The following ADAMTS3 variants were observed in gnomAD, a reference collection of about 807,000 sequenced individuals.
ADAMTS3 encodes ADAM metallopeptidase with thrombospondin type 1 motif 3.
Under a neutral mutation model 129.0 loss-of-function variants are expected in ADAMTS3, and 73 were observed. The ratio of observed to expected loss-of-function variants is 0.57; its 90% confidence interval spans 0.47 to 0.69. ADAMTS3 has a LOEUF of 0.69. ADAMTS3 is among the 30% of genes least tolerant of loss of function. The pLI is 0.00. For missense variants in ADAMTS3, 1,457 were observed against 1,514.5 expected, an observed-to-expected ratio of 0.96 and a Z score of 0.63; for synonymous variants, 477 against 510.8, an observed-to-expected ratio of 0.93 and a Z score of 0.89.
intron 16 of ADAMTS3, among the ~76,000 whole-genome samples, chr4:72,304,909 G>GA (rs2109789333): frequency 6.6e-6 from 1 of 152,042 alleles, no homozygotes; most frequent in Non-Finnish European, 1.5e-5. Flanking sequence ...ATTCTAGGAT[G>GA]AAAAATAAGG....
chr4:72,316,511 C>T (rs1051097942), intron 10 of ADAMTS3, among the ~76,000 whole-genome samples: 1 of 151,948 alleles, frequency 6.6e-6, no homozygotes, highest in Non-Finnish European at 1.5e-5. Context: ...CATAGTGAAA[C>T]CCTGTCTCTA....
intron 3 of ADAMTS3, among the ~76,000 whole-genome samples, chr4:72,478,311 G>A (rs1468226137): frequency 2.6e-5 from 4 of 151,268 alleles, no homozygotes; most frequent in African/African-American, 4.9e-5. Flanking sequence ...CTGGCAAAAC[G>A]AATCCAGCAG....
chr4:72,500,047 T>G (rs1376057482), intron 3 of ADAMTS3, among the ~76,000 whole-genome samples: 2 of 152,192 alleles, frequency 1.3e-5, no homozygotes, highest in African/African-American at 4.8e-5. Flanking sequence ...TTAGATTGAT[T>G]CCATGTCTTT....
intron 3 of ADAMTS3, among the ~76,000 whole-genome samples, chr4:72,450,991 G>GAAGAGAAGAGAAGAGAAGAA (rs1718388442): frequency 6.7e-6 from 1 of 150,312 alleles, no homozygotes; most frequent in African/African-American, 2.4e-5. Flanking sequence ...GAAGAGAAGA[G>GAAGAGAAGAGAAGAGAAGAA]AAGAGAAGAG....
chr4:72,401,784 T>C lies in ADAMTS3; in HGVS notation c.661+13031A>G, dbSNP rs149956735. ...ACTAAGAAACTAAAGCTAATTGCTT[T>C]AAGTCAATATTAGATTTAATCCAAA... On this transcript the variant is annotated intron_variant, in intron 4 of 21. Transcript: ENST00000286657. Among the ~76,000 whole-genome samples, 567 of 152,180 alleles carry C rather than the reference T, an allele frequency of 3.7e-3. 11 individuals carry two copies. Among genetic ancestry groups the C allele is most frequent in the East Asian group, 0.025 (127 of 5,174 alleles).
chr4:72,320,570 G>T, intron 7 of ADAMTS3, 144 bp downstream of exon 7: 1 of 826,372 alleles, frequency 1.2e-6, no homozygotes, highest in African/African-American at 1.7e-5. Context: ...GTCACTGTAA[G>T]CAAAAGAAAG....
chr4:72,561,030 T>C (rs1721890581), intron 2 of ADAMTS3, among the ~76,000 whole-genome samples: 1 of 152,098 alleles, frequency 6.6e-6, no homozygotes, highest in Non-Finnish European at 1.5e-5. Context: ...GGTCCTCTCC[T>C]GGATATATAG....
At chr4:72,428,651 T>C (rs1211632422) in intron 3 of ADAMTS3, among the ~76,000 whole-genome samples, 2 of 152,066 alleles carry the variant, frequency 1.3e-5, no homozygotes, top group Non-Finnish European at 2.9e-5. Flanking sequence ...CCTAGCTTGG[T>C]TGATACAGGA....
chr4:72,559,832 T>A (rs1359684197), intron 2 of ADAMTS3, among the ~76,000 whole-genome samples: 5 of 151,642 alleles, frequency 3.3e-5, no homozygotes, highest in Non-Finnish European at 7.4e-5. Context: ...CACAGAATTT[T>A]TAAAAAACTA....
At chr4:72,497,172 C>G (rs1719893436) in intron 3 of ADAMTS3, among the ~76,000 whole-genome samples, 1 of 151,984 alleles carries the variant, frequency 6.6e-6, no homozygotes, top group Non-Finnish European at 1.5e-5. Flanking sequence ...AAGGATAAAG[C>G]TGTTGGAAGT....
chr4:72,542,461 G>A (rs1433292519), intron 3 of ADAMTS3, among the ~76,000 whole-genome samples: 2 of 152,080 alleles, frequency 1.3e-5, no homozygotes, highest in Non-Finnish European at 2.9e-5. Context: ...ACTGCGCCCG[G>A]CCCCTGTTAT....
intron 4 of ADAMTS3, among the ~76,000 whole-genome samples, chr4:72,388,964 C>T (rs990946715): frequency 2.0e-5 from 3 of 152,180 alleles, no homozygotes; most frequent in Admixed American, 2.0e-4. Context: ...ACTAGGAAAT[C>T]TCATTAAAGA....
chr4:72,414,973 T>A lies in ADAMTS3; in HGVS notation c.505-2A>T. 1 of 1,491,114 alleles carries A rather than the reference T, an allele frequency of 6.7e-7. No individual in the cohort carries two copies. The allele number at this position is 1,491,114 out of a possible 1,614,324, so 92.4% of individuals were successfully genotyped here. On this transcript the variant is annotated splice_acceptor_variant, in intron 3 of 21. Coordinates refer to ENST00000286657, the MANE Select transcript of ADAMTS3 (RefSeq NM_014243.3). LOFTEE classifies it high-confidence loss of function. ...ATTATCACTTTTTATCATTCCAGCC[T>A]AGAGAAAGCACAAAATGTGTTAATT...
intron 4 of ADAMTS3, among the ~76,000 whole-genome samples, chr4:72,393,309 G>C (rs1386048772): frequency 6.6e-6 from 1 of 152,134 alleles, no homozygotes; most frequent in Non-Finnish European, 1.5e-5. Flanking sequence ...ATTGGAGTCT[G>C]CTGTGGGATA....
intron 3 of ADAMTS3, among the ~76,000 whole-genome samples, chr4:72,548,193 C>T (rs763513952): frequency 6.6e-6 from 1 of 151,602 alleles, no homozygotes; most frequent in Non-Finnish European, 1.5e-5. Context: ...TAAAATCTTC[C>T]AATGTAATAC....
At chr4:72,407,819 AT>A (rs1228963902) in intron 4 of ADAMTS3, among the ~76,000 whole-genome samples, 1 of 152,108 alleles carries the variant, frequency 6.6e-6, no homozygotes, top group East Asian at 1.9e-4. Context: ...CTTGTAAAAC[AT>A]TTTTTTCATA....
chr4:72,353,972 T>C (rs945872146), intron 4 of ADAMTS3, among the ~76,000 whole-genome samples: 1 of 151,948 alleles, frequency 6.6e-6, no homozygotes, highest in African/African-American at 2.4e-5. Context: ...ATCTGGCCTG[T>C]ACCTTACTGT....
At chr4:72,401,893 C>T (rs1214613202) in intron 4 of ADAMTS3, among the ~76,000 whole-genome samples, 1 of 151,912 alleles carries the variant, frequency 6.6e-6, no homozygotes, top group African/African-American at 2.4e-5. Context: ...GTAACTTGAC[C>T]AAGGTTACAA....
chr4:72,283,390 T>C lies in ADAMTS3; in HGVS notation c.3364A>G (p.Ser1122Gly). The C allele has an allele frequency of 1.2e-6, 2 of 1,613,828 alleles. No homozygotes were observed. Among genetic ancestry groups the C allele is most frequent in the South Asian group, 1.1e-5 (1 of 91,086 alleles). Reference sequence around the variant, plus strand: ...CGTAAATTAGCACCATCAGGTTTACTGTTTGGCCTGAAAGCAGCATATGCA... The same window carrying C: ...CGTAAATTAGCACCATCAGGTTTACCGTTTGGCCTGAAAGCAGCATATGCA... ...PNAYAAFRPN[S>G]KPDGANLRQR... Residue 1122 changes from serine to glycine, a missense_variant, in exon 22 of 22, where the codon AGT (serine) becomes GGT (glycine). Physicochemically the swap from Ser to Gly is moderately conservative, Grantham distance 56. Transcript: ENST00000286657.
Sources: allele counts gnomAD v4.1 joint callset (sites outside exome capture counted in the v4.1 genomes callset), GRCh38; gene constraint gnomAD v4.1.1; transcripts MANE v1.5; gene names NCBI Gene and HGNC (gene_info 2026-07-23, HGNC 2026-07-21).